IFNGR2: variants seen among roughly 807,000 people sequenced by gnomAD.
IFNGR2 encodes IFN-gamma receptor 2.
A neutral mutation model predicts 41.1 loss-of-function variants in IFNGR2; 15 were observed. The observed-to-expected ratio is 0.37, with a 90% confidence interval of 0.24 to 0.56. IFNGR2 has a LOEUF of 0.56. Ranked by LOEUF, IFNGR2 falls within the 20% of genes least tolerant of loss-of-function variation. IFNGR2 has a pLI of 0.81. For synonymous variants in IFNGR2, 161 were observed against 171.6 expected, an observed-to-expected ratio of 0.94 and a Z score of 0.48; for missense variants, 362 against 415.7, an observed-to-expected ratio of 0.87 and a Z score of 1.12.
At chr21:33,431,587 A>G (rs1281833948) in intron 4 of IFNGR2, among the ~76,000 whole-genome samples, 2 of 152,154 alleles carry the variant, frequency 1.3e-5, no homozygotes, top group Non-Finnish European at 2.9e-5. Flanking sequence ...AAAGAAATAC[A>G]AAATGTTTGT....
chr21:33,437,034 G>C lies in IFNGR2; in HGVS notation c.*72G>C. The C allele has an allele frequency of 6.5e-7, 1 of 1,532,006 alleles. No individual in the cohort carries two copies. The highest frequency in any genetic ancestry group is 9.0e-7 in the Non-Finnish European group (1 of 1,108,592). The allele number at this position is 1,532,006 out of a possible 1,614,324, so 94.9% of individuals were successfully genotyped here. On this transcript the variant is annotated 3_prime_UTR_variant, in exon 7 of 7. Transcript: ENST00000290219. ...CATCGGAGCTGCTAGAGTTCTGTCT[G>C]GACTTTCCAGAGACCAGTATTCCCT...
At chr21:33,408,281 C>T (rs1043483348) in intron 1 of IFNGR2, among the ~76,000 whole-genome samples, 11 of 152,028 alleles carry the variant, frequency 7.2e-5, no homozygotes, top group Non-Finnish European at 1.5e-4. Flanking sequence ...ACTGCAACCT[C>T]CACCTCCCGG....
chr21:33,416,776 C>T (rs985390330), intron 2 of IFNGR2, among the ~76,000 whole-genome samples: 10 of 146,360 alleles, frequency 6.8e-5, no homozygotes, highest in Non-Finnish European at 1.3e-4. Flanking sequence ...GAACCGAGAT[C>T]GTGCCACTGC....
chr21:33,412,064 C>T (rs1456977883), intron 1 of IFNGR2, among the ~76,000 whole-genome samples: 2 of 152,146 alleles, frequency 1.3e-5, no homozygotes, highest in Non-Finnish European at 2.9e-5. Context: ...GCTGGGACTA[C>T]AGGTGCGCAC....
intron 1 of IFNGR2, among the ~76,000 whole-genome samples, chr21:33,406,880 G>A (rs2083681198): frequency 6.6e-6 from 1 of 151,804 alleles, no homozygotes. Context: ...AACTCCTGGG[G>A]TCAAGAGATC....
chr21:33,411,484 A>G (rs1251663037), intron 1 of IFNGR2: 1 of 470,920 alleles, frequency 2.1e-6, no homozygotes. Flanking sequence ...GGGCGGAATA[A>G]TGGTCCCCAA....
chr21:33,404,529 C>T (rs1474576646), intron 1 of IFNGR2, among the ~76,000 whole-genome samples: 1 of 152,128 alleles, frequency 6.6e-6, no homozygotes, highest in African/African-American at 2.4e-5. Context: ...CCTCCGCCTC[C>T]CGTGCTCAAG....
At chr21:33,426,267 G>C (rs1243529059) in intron 3 of IFNGR2, among the ~76,000 whole-genome samples, 1 of 152,076 alleles carries the variant, frequency 6.6e-6, no homozygotes, top group African/African-American at 2.4e-5. Context: ...ACAAAAATTA[G>C]CCGGGTATGG....
intron 4 of IFNGR2, among the ~76,000 whole-genome samples, chr21:33,431,623 C>G (rs1021706012): frequency 5.3e-5 from 8 of 152,206 alleles, no homozygotes; most frequent in African/African-American, 1.9e-4. Context: ...TGCTCTTCAT[C>G]CAGGCTGGCG....
rs1189633517 is a variant in IFNGR2, at chr21:33,437,093, A to G, written c.*131A>G. ...CTCTAAAAGGCCTGTCCCTGCAGAC[A>G]TGAGAGACAGCAGGTCTCATGGGGG... On this transcript the variant is annotated 3_prime_UTR_variant, in exon 7 of 7. Transcript: ENST00000290219. The G allele has an allele frequency of 2.0e-5, 17 of 835,366 alleles. No homozygotes were observed. In the Admixed American group the frequency reaches 3.4e-4, roughly 17 times the overall value. The allele number at this position is 835,366 out of a possible 1,614,324, so 51.7% of individuals were successfully genotyped here.
chr21:33,432,660 G>T, intron 5 of IFNGR2, 54 bp from the exon 6 acceptor site: 1 of 1,591,018 alleles, frequency 6.3e-7, no homozygotes, highest in Non-Finnish European at 8.6e-7. Context: ...ATTAACTGAT[G>T]TTTGTGTTGT....
chr21:33,426,989 TTTG>T lies in IFNGR2; in HGVS notation c.521_523del (p.Cys174del). ...ATCGCTGATACCTCCACGGCCTTTT[TTTG>T]TTATTATGTCCATTACTGGGAAAAA... On this transcript the variant is annotated inframe_deletion, in exon 4 of 7. Coordinates refer to ENST00000290219, the MANE Select transcript of IFNGR2 (RefSeq NM_005534.4). 4 of 1,613,666 alleles carry T rather than the reference TTTG, an allele frequency of 2.5e-6. No homozygotes were observed. The highest frequency in any genetic ancestry group is 3.4e-6 in the Non-Finnish European group (4 of 1,179,662).
intron 2 of IFNGR2, 51 bp from the exon 3 acceptor site, chr21:33,421,429 T>G: frequency 7.0e-7 from 1 of 1,436,590 alleles, no homozygotes; most frequent in Non-Finnish European, 9.8e-7. Context: ...GGGAAACTAT[T>G]ACACATGAAA....
At chr21:33,424,878 TTACTG>T (rs2083822916) in intron 3 of IFNGR2, among the ~76,000 whole-genome samples, 1 of 48,502 alleles carries the variant, frequency 2.1e-5, no homozygotes, top group African/African-American at 4.9e-5. Context: ...GTAGCTAGGA[TTACTG>T]GCATGGGCCA....
intron 2 of IFNGR2, among the ~76,000 whole-genome samples, chr21:33,419,145 G>A (rs1214709842): frequency 6.6e-6 from 1 of 152,066 alleles, no homozygotes; most frequent in East Asian, 1.9e-4. Flanking sequence ...TTACTCTGTT[G>A]CCCAGGCTGG....
intron 6 of IFNGR2, among the ~76,000 whole-genome samples, chr21:33,433,830 C>T (rs1767359710): frequency 6.6e-6 from 1 of 151,604 alleles, no homozygotes; most frequent in Admixed American, 6.6e-5. Context: ...AAAAAGGTGG[C>T]CTGGCCTGGA....
intron 3 of IFNGR2, among the ~76,000 whole-genome samples, chr21:33,423,527 C>T (rs1021517971): frequency 6.6e-6 from 1 of 151,798 alleles, no homozygotes; most frequent in Non-Finnish European, 1.5e-5. Context: ...GTGAGCCTCC[C>T]AAGTAGCTGG....
rs546201964 is a variant in IFNGR2 at position 33,414,904 on chromosome 21, G to A, written c.90G>A (p.Leu30=). 168 of 1,613,864 alleles carry A rather than the reference G, an allele frequency of 1.0e-4. No homozygotes were observed. In the South Asian group the frequency reaches 1.8e-3, roughly 17 times the overall value. ...AAAPPDPLSQ[L]PAPQHPKIRL... ...CCCCTCAAGACCCTCTTTCCCAGCTGCCCGCTCCTCAGCACCCGAAGATTC... is the reference window on the plus strand; with the variant it reads ...CCCCTCAAGACCCTCTTTCCCAGCTACCCGCTCCTCAGCACCCGAAGATTC... The change falls in exon 2 of 7, where the codon CTG becomes CTA. Residue 30 remains leucine (L), a synonymous_variant. Coordinates refer to ENST00000290219, the MANE Select transcript of IFNGR2 (RefSeq NM_005534.4).
At chr21:33,421,338 A>AAT (rs1339834833) in intron 2 of IFNGR2, 142 bp from the exon 3 acceptor site, 1 of 652,914 alleles carries the variant, frequency 1.5e-6, no homozygotes, top group African/African-American at 1.8e-5. Context: ...TCTCAAAAAA[A>AAT]AAAAAAAAAA....
Sources: allele counts gnomAD v4.1 joint callset (sites outside exome capture counted in the v4.1 genomes callset), GRCh38; gene constraint gnomAD v4.1.1; transcripts MANE v1.5; gene names NCBI Gene and HGNC (gene_info 2026-07-23, HGNC 2026-07-21).